Variants in ZFHX3 observed in about 807,000 individuals in gnomAD.
The protein encoded by ZFHX3 is zinc finger homeobox 3, also known as zinc finger homeobox protein 3.
A neutral mutation model predicts 279.1 loss-of-function variants in ZFHX3; 42 were observed. That is an observed-to-expected ratio of 0.15 (90% CI 0.12 to 0.19). The LOEUF is 0.19. Among genes scored for constraint, ZFHX3 ranks in the 10% least tolerant of loss-of-function variants. The pLI, the probability that ZFHX3 is intolerant of heterozygous loss-of-function variation, is 1.00. For missense variants in ZFHX3, 4,981 were observed against 4,754.0 expected (o/e 1.05, Z -1.40); for synonymous variants, 2,293 against 1,957.8 (o/e 1.17, Z -4.52).
chr16:73,876,329 A>G (rs2029946070), intron 1 of ZFHX3, among the ~76,000 whole-genome samples: 1 of 152,244 alleles, frequency 6.6e-6, no homozygotes, highest in Non-Finnish European at 1.5e-5. Context: ...AAGTTTTACC[A>G]CACCCATGTA....
intron 3 of ZFHX3, chr16:73,420,852 T>C (rs904912744): frequency 2.0e-5 from 3 of 152,214 alleles, no homozygotes; most frequent in Non-Finnish European, 2.9e-5. Context: ...ACATAATGAA[T>C]CCAGCACATA....
intron 3 of ZFHX3, among the ~76,000 whole-genome samples, chr16:72,912,312 C>T (rs550798910): frequency 6.6e-6 from 1 of 152,288 alleles, no homozygotes; most frequent in Admixed American, 6.5e-5. Context: ...ATTAAATTCT[C>T]AGATGATGCT....
intron 4 of ZFHX3, among the ~76,000 whole-genome samples, chr16:72,871,644 T>A (rs1036849452): frequency 1.3e-5 from 2 of 151,728 alleles, no homozygotes; most frequent in African/African-American, 4.8e-5. Context: ...CTGGCCTTTT[T>A]AAAAATATTT....
chr16:73,597,233 G>T (rs748237458), intron 2 of ZFHX3, among the ~76,000 whole-genome samples: 1 of 152,054 alleles, frequency 6.6e-6, no homozygotes, highest in Non-Finnish European at 1.5e-5. Flanking sequence ...ACTCTTCCAT[G>T]ACGCCTTCCC....
intron 1 of ZFHX3, among the ~76,000 whole-genome samples, chr16:73,682,968 A>T (rs1409143385): frequency 6.5e-5 from 2 of 30,802 alleles, no homozygotes; most frequent in Non-Finnish European, 1.3e-4. Context: ...GAAAGAAAGA[A>T]AGAAAGAAAG....
At chr16:73,477,056 A>T (rs2018777656) in intron 2 of ZFHX3, among the ~76,000 whole-genome samples, 2 of 152,252 alleles carry the variant, frequency 1.3e-5, no homozygotes, top group African/African-American at 2.4e-5. Flanking sequence ...GCATAACAAA[A>T]ACTTGGAAGA....
intron 2 of ZFHX3, among the ~76,000 whole-genome samples, chr16:73,602,771 C>G (rs890647150): frequency 4.6e-5 from 7 of 150,930 alleles, no homozygotes; most frequent in African/African-American, 1.7e-4. Context: ...ATGGTGAAAC[C>G]CCATCTCTAC....
intron 3 of ZFHX3, among the ~76,000 whole-genome samples, chr16:73,434,066 A>G (rs911104475): frequency 1.3e-5 from 2 of 152,204 alleles, no homozygotes; most frequent in Non-Finnish European, 2.9e-5. Flanking sequence ...TAACTCTATC[A>G]GGACTAGTGG....
rs941344690 is a variant in ZFHX3 at position 73,688,795 on chromosome 16, C to T, written c.-1607-8555G>A. Among the ~76,000 whole-genome samples, 14 of 152,052 alleles carry T rather than the reference C, an allele frequency of 9.2e-5. No individual in the cohort carries two copies. In the South Asian group the frequency reaches 1.2e-3, roughly 14 times the overall value. Reference sequence around the variant, plus strand: ...GTGGGAGATAATTGAATCATGGGGGCGGGTCGTTCCCATGCTATTCTCATG... The same window carrying T: ...GTGGGAGATAATTGAATCATGGGGGTGGGTCGTTCCCATGCTATTCTCATG... On this transcript the variant is annotated intron_variant, in intron 1 of 17. Transcript: ENST00000641206.
intron 7 of ZFHX3, among the ~76,000 whole-genome samples, chr16:73,123,140 G>A (rs1266568615): frequency 1.3e-5 from 2 of 150,810 alleles, no homozygotes; most frequent in African/African-American, 4.9e-5. Flanking sequence ...TGGGTTATGA[G>A]GATACAGGAT....
intron 2 of ZFHX3, among the ~76,000 whole-genome samples, chr16:73,529,174 C>G (rs1487998186): frequency 1.3e-5 from 2 of 152,130 alleles, no homozygotes; most frequent in Admixed American, 6.5e-5. Flanking sequence ...GTTGGTCAGT[C>G]CTGTATTTCA....
chr16:73,357,796 A>G (rs1458257233), intron 3 of ZFHX3, among the ~76,000 whole-genome samples: 1 of 152,230 alleles, frequency 6.6e-6, no homozygotes, highest in East Asian at 1.9e-4. Flanking sequence ...GACTCCTCAC[A>G]TTCCTTCGGC....
rs55806545 is a variant in ZFHX3 at position 73,807,620 on chromosome 16, A to ATTTTTTTTT, written c.-1608+84022_-1608+84030dup. On this transcript the variant is annotated intron_variant, in intron 1 of 17. Coordinates refer to the ZFHX3 transcript ENST00000641206. ...TACAGGCACATTCCACCATGCCCCA[A>ATTTTTTTTT]TTTTTTTTTTTTTTTTTTTTTTTTT... Among the ~76,000 whole-genome samples, 242 of 70,554 alleles carry ATTTTTTTTT rather than the reference A, an allele frequency of 3.4e-3. 12 individuals carry two copies. The highest frequency in any genetic ancestry group is 0.013 in the African/African-American group (236 of 18,248). The allele number at this position is 70,554 out of a possible 152,430, so 46.3% of individuals were successfully genotyped here.
intron 2 of ZFHX3, among the ~76,000 whole-genome samples, chr16:73,665,565 G>A (rs1170975709): frequency 6.6e-6 from 1 of 151,806 alleles, no homozygotes; most frequent in Non-Finnish European, 1.5e-5. Flanking sequence ...AGAGGGCAGT[G>A]ATTTGCCCAG....
intron 7 of ZFHX3, among the ~76,000 whole-genome samples, chr16:73,113,722 C>A (rs115578585): frequency 6.6e-5 from 10 of 151,014 alleles, no homozygotes; most frequent in African/African-American, 1.7e-4. Context: ...ATGATGCATC[C>A]ATTTCTACAT....
chr16:73,327,984 A>C (rs9925899), intron 3 of ZFHX3, among the ~76,000 whole-genome samples: 153 of 152,338 alleles, frequency 1.0e-3, no homozygotes, highest in Middle Eastern at 3.4e-3. Context: ...ACTGGTCATC[A>C]ACCTTTTCAG....
intron 3 of ZFHX3, among the ~76,000 whole-genome samples, chr16:73,377,860 C>A (rs950922306): frequency 1.3e-5 from 2 of 151,106 alleles, no homozygotes; most frequent in Non-Finnish European, 1.5e-5. Context: ...GGTGAAACTC[C>A]ATCTCTACTA....
intron 3 of ZFHX3, among the ~76,000 whole-genome samples, chr16:73,381,102 C>G (rs2016811382): frequency 6.6e-6 from 1 of 152,148 alleles, no homozygotes; most frequent in Admixed American, 6.5e-5. Context: ...GTTTCTCTCT[C>G]CAGACCCTGA....
rs143284494 is a variant in ZFHX3 at position 73,168,152 on chromosome 16, A to C, written c.-1103-24321T>G. The stretch of plus-strand genomic sequence containing the variant: ...CTTTTCATTACTTTTGTTTCAAAAG[A>C]CTTCTCTATTATCACCTGCCCCATA... On this transcript the variant is annotated intron_variant, in intron 5 of 17. Transcript: ENST00000641206. Among the ~76,000 whole-genome samples, 630 of 152,194 alleles carry C rather than the reference A, an allele frequency of 4.1e-3. 8 individuals carry two copies. Among genetic ancestry groups the C allele is most frequent in the African/African-American group, 0.015 (616 of 41,522 alleles).
Sources: gnomAD v4.1 joint callset for allele counts (sites outside exome capture counted in the v4.1 genomes callset) on GRCh38, gnomAD v4.1.1 for gene constraint, MANE v1.5 for transcripts, NCBI Gene and HGNC (gene_info 2026-07-23, HGNC 2026-07-21) for gene names.